The following RGS22 variants were observed in gnomAD, a reference collection of about 807,000 sequenced individuals.
RGS22 encodes regulator of G protein signaling 22, also known as regulator of G-protein signaling 22.
A neutral mutation model predicts 172.9 loss-of-function variants in RGS22; 148 were observed. That is an observed-to-expected ratio of 0.86 (90% confidence interval 0.75 to 0.98). The LOEUF is 0.98. Ranked by LOEUF, RGS22 falls within the 50% of genes least tolerant of loss-of-function variation. The pLI is 0.00. For synonymous variants in RGS22, 458 were observed against 480.2 expected, an observed-to-expected ratio of 0.95 and a Z score of 0.60; for missense variants, 1,347 against 1,440.8, an observed-to-expected ratio of 0.93 and a Z score of 1.05.
In RGS22 at chr8:100,060,421, T is replaced by TATATATATATATATATATAC. The variant is rs1245783464; in HGVS notation, c.1514+2169_1514+2170insGTATATATATATATATATAT. 3.0e-3 allele frequency among the ~76,000 whole-genome samples: 353 copies of TATATATATATATATATATAC among 119,380 alleles called. 6 individuals are homozygous for TATATATATATATATATATAC. The highest frequency in any genetic ancestry group is 8.0e-3 in the African/African-American group (276 of 34,502). 78.3% of individuals were successfully genotyped at this position (119,380 alleles called of 152,430 possible). ...CTACGTGTATATATATATATATATA[T>TATATATATATATATATATAC]ACACACACACACACACACACGCACC... On this transcript the variant is annotated intron_variant, in intron 9 of 27. Transcript: ENST00000360863.
chr8:100,048,019 T>G (rs1820912538), intron 10 of RGS22, among the ~76,000 whole-genome samples: 1 of 152,022 alleles, frequency 6.6e-6, no homozygotes, highest in South Asian at 2.1e-4. Flanking sequence ...AAAGATACCC[T>G]TGGTCCACAT....
In RGS22 at chr8:99,962,960, T is replaced by C; in HGVS notation, c.3634A>G (p.Lys1212Glu). Residue 1212 changes from lysine (K) to glutamate (E), a missense_variant, in exon 25 of 28, where the codon AAG becomes GAG. Transcript: ENST00000360863. The stretch of plus-strand genomic sequence containing the variant: ...TCCTGTTCTAAGGCTTCTATATACT[T>C]TGAGTAGCACCAGGTTGGCTAAAAA... Reference protein sequence around the residue: ...YGRQPTWCYSKYIEALEQERI... With the variant: ...YGRQPTWCYSEYIEALEQERI... 1.3e-6 allele frequency: 2 copies of C among 1,583,844 alleles called. No individual in the cohort carries two copies. The highest frequency in any genetic ancestry group is 1.7e-6 in the Non-Finnish European group (2 of 1,172,524).
intron 14 of RGS22, among the ~76,000 whole-genome samples, chr8:100,020,387 T>A (rs1020357076): frequency 6.6e-6 from 1 of 152,206 alleles, no homozygotes; most frequent in Non-Finnish European, 1.5e-5. Flanking sequence ...AGCTCCTTCA[T>A]GAAGTTCACA....
At chr8:100,019,718 T>C (rs1270924923) in intron 14 of RGS22, among the ~76,000 whole-genome samples, 2 of 152,132 alleles carry the variant, frequency 1.3e-5, no homozygotes, top group Non-Finnish European at 2.9e-5. Flanking sequence ...TCCCTTTTTT[T>C]TAGACCCATT....
chr8:99,966,978 G>T (rs1810803845), intron 23 of RGS22, among the ~76,000 whole-genome samples: 2 of 152,204 alleles, frequency 1.3e-5, no homozygotes, highest in African/African-American at 4.8e-5. Context: ...CTCCCAGCAA[G>T]ACCAACACAG....
chr8:100,063,807 A>G lies in RGS22; in HGVS notation c.961T>C (p.Tyr321His). The G allele has an allele frequency of 6.2e-7, 1 of 1,613,436 alleles. No individual in the cohort carries two copies. Among genetic ancestry groups the G allele is most frequent in the South Asian group, 1.1e-5 (1 of 90,822 alleles). The change falls in exon 8 of 28, where the codon TAC becomes CAC. Residue 321 changes from tyrosine (Y) to histidine (H), a missense_variant. Transcript: ENST00000360863. Reference sequence around the variant, plus strand: ...TGAATTGCTCCTCTCAAAATAAAGTATATATAGGAGCTTAAAAATTCTTCA... The same window carrying G: ...TGAATTGCTCCTCTCAAAATAAAGTGTATATAGGAGCTTAAAAATTCTTCA... ...TCEEFLSSYI[Y>H]FILRGAIQQI...
At chr8:100,088,484 T>A (rs1812323128) in intron 3 of RGS22, among the ~76,000 whole-genome samples, 1 of 152,048 alleles carries the variant, frequency 6.6e-6, no homozygotes, top group Admixed American at 6.6e-5. Context: ...GAAAACTTAA[T>A]AAGCAAACAC....
rs1420617757 is a variant in RGS22 at position 100,093,514 on chromosome 8, A to C, written c.55-5T>G. 6 of 1,334,492 alleles carry C rather than the reference A, an allele frequency of 4.5e-6. No individual in the cohort carries two copies. Among genetic ancestry groups the C allele is most frequent in the Non-Finnish European group, 5.1e-6 (5 of 972,172 alleles). The allele number at this position is 1,334,492 out of a possible 1,614,324, so 82.7% of individuals were successfully genotyped here. A position where few individuals can be genotyped will look rare whatever the true frequency, so the allele number is the denominator to read the frequency against. ...ATCTGTTGCCAGAGAATCTTCCTGC[A>C]AAAAAAAAACATAAAAACACAGTAT... On this transcript the variant is annotated splice_polypyrimidine_tract_variant and splice_region_variant and intron_variant, in intron 2 of 27. Transcript: ENST00000360863.
chr8:100,060,717 CA>C (rs1810066423), intron 9 of RGS22, among the ~76,000 whole-genome samples: 2 of 152,002 alleles, frequency 1.3e-5, no homozygotes, highest in Non-Finnish European at 2.9e-5. Flanking sequence ...TAAGAAGAAT[CA>C]ATATAATTAA....
chr8:100,074,888 C>G (rs1365371536), intron 4 of RGS22, among the ~76,000 whole-genome samples: 1 of 152,086 alleles, frequency 6.6e-6, no homozygotes, highest in Non-Finnish European at 1.5e-5. Context: ...CTGCCTCAGC[C>G]TGCCGAGTAG....
At chr8:100,032,233 G>A (rs1293704560) in intron 14 of RGS22, among the ~76,000 whole-genome samples, 1 of 151,972 alleles carries the variant, frequency 6.6e-6, no homozygotes. Flanking sequence ...AAATTGGATA[G>A]AGTCAAGACC....
At chr8:100,081,362 G>GTATATATATATATA (rs71274952) in intron 3 of RGS22, among the ~76,000 whole-genome samples, 54 of 143,498 alleles carry the variant, frequency 3.8e-4, no homozygotes, top group African/African-American at 9.3e-4. Context: ...GTGCGTGTAT[G>GTATATATATATATA]TATATATATA....
At chr8:99,968,909 AC>A (rs1811040951) in intron 23 of RGS22, among the ~76,000 whole-genome samples, 1 of 152,102 alleles carries the variant, frequency 6.6e-6, no homozygotes, top group Non-Finnish European at 1.5e-5. Context: ...GAGAAGAGCA[AC>A]CCCAAGATAC....
intron 3 of RGS22, among the ~76,000 whole-genome samples, chr8:100,081,945 C>T (rs1239283621): frequency 1.3e-5 from 2 of 149,212 alleles, no homozygotes; most frequent in Non-Finnish European, 3.0e-5. Context: ...ACCCTCTGAC[C>T]TGGTAGCCAG....
chr8:99,968,234 G>A (rs563093533), intron 23 of RGS22, among the ~76,000 whole-genome samples: 1 of 152,240 alleles, frequency 6.6e-6, no homozygotes, highest in African/African-American at 2.4e-5. Flanking sequence ...AAGGCCATCA[G>A]CATCAAAGAT....
intron 14 of RGS22, among the ~76,000 whole-genome samples, chr8:100,035,922 C>T (rs1301752377): frequency 6.6e-6 from 1 of 152,030 alleles, no homozygotes; most frequent in Non-Finnish European, 1.5e-5. Flanking sequence ...AACTCTTGGA[C>T]ACAGGGCAGA....
chr8:100,002,443 G>T, intron 17 of RGS22, 79 bp from the exon 18 acceptor site: 1 of 1,401,324 alleles, frequency 7.1e-7, no homozygotes. Flanking sequence ...TTGTTGTTTT[G>T]ACAGAACTTA....
chr8:100,084,983 T>C (rs1812058158), intron 3 of RGS22, among the ~76,000 whole-genome samples: 1 of 152,214 alleles, frequency 6.6e-6, no homozygotes, highest in African/African-American at 2.4e-5. Context: ...CTGGTCTGGT[T>C]ATCACACTTT....
At chr8:100,059,582 G>A (rs1407053840) in intron 9 of RGS22, among the ~76,000 whole-genome samples, 1 of 152,070 alleles carries the variant, frequency 6.6e-6, no homozygotes, top group Non-Finnish European at 1.5e-5. Flanking sequence ...AATTCAGTAA[G>A]AGGATATAAC....
Sources: gnomAD v4.1 joint callset for allele counts (sites outside exome capture counted in the v4.1 genomes callset) on GRCh38, gnomAD v4.1.1 for gene constraint, MANE v1.5 for transcripts, NCBI Gene and HGNC (gene_info 2026-07-23, HGNC 2026-07-21) for gene names.